Variants in PALS2 observed in about 807,000 individuals in gnomAD.
PALS2 encodes protein PALS2.
A neutral mutation model predicts 61.6 loss-of-function variants in PALS2; 27 were observed. The ratio of observed to expected loss-of-function variants is 0.44; its 90% CI spans 0.32 to 0.60. The LOEUF (loss-of-function observed/expected upper bound fraction) is 0.60. PALS2 is among the 20% of genes least tolerant of loss of function. PALS2 has a pLI of 0.05. For synonymous variants in PALS2, 236 were observed against 218.6 expected (o/e 1.08, Z -0.70); for missense variants, 554 against 639.4 (o/e 0.87, Z 1.44).
At chr7:24,583,640 T>C (rs557957159) in intron 1 of PALS2, among the ~76,000 whole-genome samples, 27 of 149,482 alleles carry the variant, frequency 1.8e-4, no homozygotes, top group Admixed American at 4.0e-4. Flanking sequence ...TTTTTTTTTT[T>C]CCCATGCTAA....
In PALS2 at chr7:24,573,971, G is replaced by T. The variant is rs983260313; in HGVS notation, c.-3+378G>T. The T allele has an allele frequency of 6.6e-6, 1 of 152,308 alleles. No individual in the cohort carries two copies. Among genetic ancestry groups the T allele is most frequent in the Non-Finnish European group, 1.5e-5 (1 of 68,154 alleles). 9.4% of individuals were successfully genotyped at this position (152,308 alleles called of 1,614,324 possible). ...GGGGCTAGGGCCGCAGACGCGCGGG[G>T]CCCCTTCGGGCGCGGGGCTTGGGTG... On this transcript the variant is annotated intron_variant, in intron 1 of 11. Coordinates refer to ENST00000222644, the MANE Select transcript of PALS2 (RefSeq NM_001303037.2). The surrounding 1 kb of genome is among the most constrained non-coding windows in gnomAD (Gnocchi z 5.3).
intron 11 of PALS2, 123 bp downstream of exon 11, chr7:24,680,643 T>C: frequency 8.0e-7 from 1 of 1,252,180 alleles, no homozygotes; most frequent in Non-Finnish European, 1.1e-6. Flanking sequence ...TCACCCAGGC[T>C]GGAGTGCATT....
chr7:24,681,869 C>G (rs1257966747), intron 11 of PALS2, among the ~76,000 whole-genome samples: 1 of 152,134 alleles, frequency 6.6e-6, no homozygotes, highest in Non-Finnish European at 1.5e-5. Flanking sequence ...TATTAGTTTT[C>G]TTTGTTCTTT....
intron 1 of PALS2, among the ~76,000 whole-genome samples, chr7:24,620,675 A>T (rs915530780): frequency 6.6e-6 from 1 of 152,168 alleles, no homozygotes; most frequent in East Asian, 1.9e-4. Flanking sequence ...CTGACTAAAC[A>T]TTTGATAACA....
chr7:24,601,269 T>C (rs1235089399), intron 1 of PALS2, among the ~76,000 whole-genome samples: 1 of 152,218 alleles, frequency 6.6e-6, no homozygotes. Context: ...CACTAGTAAA[T>C]TGTAGTTGCT....
chr7:24,648,941 G>T (rs1344134110), intron 3 of PALS2, among the ~76,000 whole-genome samples: 3 of 150,704 alleles, frequency 2.0e-5, no homozygotes, highest in African/African-American at 7.3e-5. Flanking sequence ...TAGAAAGCTA[G>T]ATCAAAACCA....
intron 2 of PALS2, among the ~76,000 whole-genome samples, chr7:24,638,535 T>G (rs1488380453): frequency 2.0e-5 from 1 of 49,816 alleles, no homozygotes; most frequent in Non-Finnish European, 3.1e-5. Flanking sequence ...GTTTCACCGT[T>G]TTAGCCGGGA....
intron 2 of PALS2, among the ~76,000 whole-genome samples, chr7:24,625,783 A>C (rs1159785202): frequency 6.6e-6 from 1 of 152,192 alleles, no homozygotes; most frequent in African/African-American, 2.4e-5. Context: ...AAATAAAGCA[A>C]AGAGTTATCC....
At chr7:24,629,758 C>G (rs917812391) in intron 2 of PALS2, among the ~76,000 whole-genome samples, 10 of 152,144 alleles carry the variant, frequency 6.6e-5, no homozygotes. Context: ...TAGAGAAATG[C>G]AAATCAAAAC....
intron 1 of PALS2, among the ~76,000 whole-genome samples, chr7:24,593,272 A>G (rs1271081233): frequency 6.6e-6 from 1 of 152,036 alleles, no homozygotes; most frequent in Non-Finnish European, 1.5e-5. Flanking sequence ...TCTAATTCTC[A>G]TTCCCTTACT....
At chr7:24,621,753 A>G (rs1451919081) in intron 1 of PALS2, among the ~76,000 whole-genome samples, 2 of 151,968 alleles carry the variant, frequency 1.3e-5, no homozygotes, top group Non-Finnish European at 2.9e-5. Flanking sequence ...CAGTGTTTAT[A>G]TTTTACTTTA....
At chr7:24,655,338 G>C (rs528157515) in intron 5 of PALS2, among the ~76,000 whole-genome samples, 40 of 152,186 alleles carry the variant, frequency 2.6e-4, no homozygotes, top group African/African-American at 9.4e-4. Context: ...ACTATATAAA[G>C]AGTACGTATA....
At chr7:24,586,662 A>T (rs1465057827) in intron 1 of PALS2, among the ~76,000 whole-genome samples, 1 of 152,238 alleles carries the variant, frequency 6.6e-6, no homozygotes, top group African/African-American at 2.4e-5. Flanking sequence ...CAGATGATAG[A>T]AAATCATGTT....
chr7:24,641,704 T>C lies in PALS2; in HGVS notation c.118-12T>C. 2 of 1,583,316 alleles carry C rather than the reference T, an allele frequency of 1.3e-6. No homozygotes were observed. The highest frequency in any genetic ancestry group is 1.7e-6 in the Non-Finnish European group (2 of 1,165,840). Reference sequence around the variant, plus strand: ...TAAGTATTACTACTTTAATATACTCTTATTTTTTCAGGCTCATGAGAGGCT... The same window carrying C: ...TAAGTATTACTACTTTAATATACTCCTATTTTTTCAGGCTCATGAGAGGCT... On this transcript the variant is annotated splice_polypyrimidine_tract_variant and intron_variant, in intron 2 of 11. Coordinates refer to ENST00000222644, the MANE Select transcript of PALS2 (RefSeq NM_001303037.2).
chr7:24,624,294 AT>A, intron 2 of PALS2: 1 of 288,698 alleles, frequency 3.5e-6, no homozygotes, highest in Non-Finnish European at 6.1e-6. Flanking sequence ...CTTTACAACC[AT>A]TTTTATTAAA....
chr7:24,575,641 G>A (rs185395292), intron 1 of PALS2, among the ~76,000 whole-genome samples: 73 of 152,248 alleles, frequency 4.8e-4, no homozygotes, highest in South Asian at 3.3e-3. Flanking sequence ...TGGATTAGCA[G>A]AATAAAACAG....
intron 1 of PALS2, among the ~76,000 whole-genome samples, chr7:24,621,241 A>G (rs768812343): frequency 1.3e-5 from 2 of 152,068 alleles, no homozygotes; most frequent in African/African-American, 4.8e-5. Context: ...TTTACCTTCA[A>G]AAATTGTCAG....
chr7:24,617,275 A>T (rs1044013541), intron 1 of PALS2, among the ~76,000 whole-genome samples: 10 of 150,576 alleles, frequency 6.6e-5, no homozygotes, highest in Admixed American at 2.6e-4. Flanking sequence ...CATTCAAACA[A>T]TGAATCATTT....
intron 1 of PALS2, among the ~76,000 whole-genome samples, chr7:24,604,219 G>GAAAAAA (rs58169190): frequency 6.4e-4 from 55 of 86,110 alleles, no homozygotes; most frequent in African/African-American, 1.1e-3. Flanking sequence ...TTCAAGAAAA[G>GAAAAAA]AAAAAAAAAA....
Sources: gnomAD v4.1 joint callset for allele counts (sites outside exome capture counted in the v4.1 genomes callset) on GRCh38, gnomAD v4.1.1 for gene constraint, Gnocchi (gnomAD v3.1) non-coding constraint, MANE v1.5 for transcripts, NCBI Gene and HGNC (gene_info 2026-07-23, HGNC 2026-07-21) for gene names.